SLC28A1: variants seen among roughly 807,000 people sequenced by gnomAD.
SLC28A1 encodes the protein solute carrier family 28 member 1.
A neutral mutation model predicts 74.8 loss-of-function variants in SLC28A1; 64 were observed. The ratio of observed to expected loss-of-function variants is 0.86; its 90% CI spans 0.70 to 1.05. The LOEUF is 1.05. SLC28A1 is among the 50% of genes least tolerant of loss of function. The pLI is 0.00. For synonymous variants in SLC28A1, 359 were observed against 335.0 expected, an observed-to-expected ratio of 1.07 and a Z score of -0.78; for missense variants, 828 against 822.8, an observed-to-expected ratio of 1.01 and a Z score of -0.08.
intron 6 of SLC28A1, among the ~76,000 whole-genome samples, chr15:84,898,928 A>G (rs950819794): frequency 6.6e-6 from 1 of 152,220 alleles, no homozygotes; most frequent in Non-Finnish European, 1.5e-5. Context: ...CAGAGCACAG[A>G]GACACAGTTG....
intron 12 of SLC28A1, among the ~76,000 whole-genome samples, chr15:84,924,425 A>G (rs1970237498): frequency 6.6e-6 from 1 of 152,148 alleles, no homozygotes; most frequent in African/African-American, 2.4e-5. Flanking sequence ...TGAGATGCCC[A>G]AACCCAGATC....
chr15:84,910,699 G>A (rs1869233896), intron 9 of SLC28A1, among the ~76,000 whole-genome samples: 1 of 152,156 alleles, frequency 6.6e-6, no homozygotes, highest in South Asian at 2.1e-4. Flanking sequence ...TTGCACTCCA[G>A]CCTGGGCAAC....
intron 16 of SLC28A1, 61 bp from the exon 17 acceptor site, chr15:84,944,505 C>G: frequency 8.6e-7 from 1 of 1,168,876 alleles, no homozygotes; most frequent in Non-Finnish European, 1.3e-6. Context: ...GCCCGAGCTG[C>G]GGAACGCGGG....
chr15:84,916,242 T>G (rs973272203), intron 9 of SLC28A1, among the ~76,000 whole-genome samples: 5 of 57,896 alleles, frequency 8.6e-5, no homozygotes, highest in Admixed American at 5.0e-4. Flanking sequence ...TGGGATTACT[T>G]TTTTTTTTTT....
At chr15:84,900,400 T>A (rs1412849337) in intron 6 of SLC28A1, among the ~76,000 whole-genome samples, 3 of 35,820 alleles carry the variant, frequency 8.4e-5, no homozygotes, top group Non-Finnish European at 1.0e-4. Context: ...AGACACTGTC[T>A]CAAAAAAAAA....
intron 15 of SLC28A1, among the ~76,000 whole-genome samples, chr15:84,937,514 T>G (rs1250491688): frequency 6.6e-6 from 1 of 152,242 alleles, no homozygotes; most frequent in Non-Finnish European, 1.5e-5. Flanking sequence ...TTTGCATTAC[T>G]TGGGTGACTG....
chr15:84,887,518 T>C (rs1964730626), intron 2 of SLC28A1: 1 of 984,858 alleles, frequency 1.0e-6, no homozygotes, highest in Non-Finnish European at 1.2e-6. Context: ...ACCCAGTCTC[T>C]AGAAAAAGGA....
intron 9 of SLC28A1, among the ~76,000 whole-genome samples, 198 bp from the exon 10 acceptor site, chr15:84,918,326 G>T (rs1969388359): frequency 6.6e-6 from 1 of 152,136 alleles, no homozygotes; most frequent in Non-Finnish European, 1.5e-5. Context: ...GAGAGGACAA[G>T]GCTGCCTCCA....
intron 5 of SLC28A1, among the ~76,000 whole-genome samples, chr15:84,892,493 C>A (rs1019265484): frequency 1.3e-5 from 2 of 152,180 alleles, no homozygotes; most frequent in Non-Finnish European, 2.9e-5. Context: ...CAATTGAATT[C>A]TCTCCAGTAG....
At position 84,890,523 on chromosome 15, in the gene SLC28A1, T is replaced by A; in HGVS notation, c.266T>A (p.Leu89Gln). 6.2e-7 allele frequency: 1 copy of A among 1,610,570 alleles called. No homozygotes were observed. The highest frequency in any genetic ancestry group is 1.1e-5 in the South Asian group (1 of 90,620). ...MQLFRWIGTG[L>Q]LCTGLSAFLL... ...CTGTTTCGATGGATCGGCACAGGCC[T>A]GCTCTGCACTGGTGAGCCTGGGGCC... Residue 89 changes from leucine to glutamine, a missense_variant, in exon 5 of 19, where the codon CTG becomes CAG. Physicochemically the swap from Leu to Gln is moderately radical, Grantham distance 113. Around this residue, in one of 3 missense-constraint regions of SLC28A1, gnomAD observed 767 missense variants for 753.5 expected, o/e 1.02. Coordinates refer to ENST00000394573, the MANE Select transcript of SLC28A1 (RefSeq NM_004213.5).
chr15:84,894,247 CTG>C (rs900955867), intron 5 of SLC28A1, among the ~76,000 whole-genome samples: 2 of 151,930 alleles, frequency 1.3e-5, no homozygotes, highest in Non-Finnish European at 2.9e-5. Context: ...CGGTGGGCAA[CTG>C]TAATCCCAGC....
rs1004926725 is a variant in SLC28A1, at chr15:84,886,657, C to T, written c.-132-15C>T. On this transcript the variant is annotated splice_polypyrimidine_tract_variant and intron_variant, in intron 1 of 18. Transcript: ENST00000394573. ...GTGGCAGGCCCAACCTACTCCGACC[C>T]TGGACTCTGCCCAGGAATTTCTGCT... is the stretch of plus-strand genomic sequence containing the variant. The T allele has an allele frequency of 1.0e-5, 10 of 985,410 alleles. No homozygotes were observed. The African/African-American group carries it at 1.6e-4, about 15-fold the overall frequency. The allele number at this position is 985,410 out of a possible 1,614,324, so 61.0% of individuals were successfully genotyped here. A position where few individuals can be genotyped will look rare whatever the true frequency, so the allele number is the denominator to read the frequency against.
At chr15:84,909,906 A>G (rs550514828) in intron 9 of SLC28A1, among the ~76,000 whole-genome samples, 6 of 152,316 alleles carry the variant, frequency 3.9e-5, no homozygotes, top group African/African-American at 1.2e-4. Flanking sequence ...CTGTTCCCAG[A>G]GTCTCCCCAC....
At chr15:84,890,650 A>G (rs954945786) in intron 5 of SLC28A1, 116 bp downstream of exon 5, 3 of 857,854 alleles carry the variant, frequency 3.5e-6, no homozygotes, top group South Asian at 1.4e-5. Context: ...TTGAGCACCA[A>G]CTCAGGTCCA....
the SLC28A1 span, among the ~76,000 whole-genome samples, chr15:84,957,110 A>C: frequency 1.3e-5 from 2 of 152,300 alleles, no homozygotes; most frequent in Admixed American, 6.5e-5. Context: ...ACATATAATG[A>C]TATACTATAA....
chr15:84,969,540 C>T, the SLC28A1 span, among the ~76,000 whole-genome samples: 7 of 137,040 alleles, frequency 5.1e-5, no homozygotes, highest in East Asian at 4.1e-4. Context: ...CCCCCCGACT[C>T]GGACTTCTGT....
rs777938287 is a variant in SLC28A1 at position 84,904,108 on chromosome 15, T to C, written c.473T>C (p.Leu158Pro). ...LLLWFKRGLA[L>P]AAFLGLVLWL... ...TCTCTTGCCTGCAGGGGTCTAGCTC[T>C]TGCTGCTTTCCTGGGCCTGGTCCTG... Residue 158 changes from leucine (L) to proline (P), a missense_variant, in exon 7 of 19, where the codon CTT (leucine) becomes CCT (proline). By Grantham distance (98) the Leu-to-Pro change is moderately conservative (BLOSUM62 -3). Transcript: ENST00000394573. 6.2e-7 allele frequency: 1 copy of C among 1,614,220 alleles called. No individual in the cohort carries two copies. The highest frequency in any genetic ancestry group is 1.7e-5 in the Admixed American group (1 of 60,028).
chr15:84,946,709 C>T (rs111516355), downstream of SLC28A1, among the ~76,000 whole-genome samples: 12 of 152,168 alleles, frequency 7.9e-5, no homozygotes, highest in East Asian at 3.9e-4. Context: ...ATGGGTGGCC[C>T]GCCCTCACCT....
At chr15:84,903,693 C>T (rs887539187) in intron 6 of SLC28A1, among the ~76,000 whole-genome samples, 1 of 152,188 alleles carries the variant, frequency 6.6e-6, no homozygotes, top group African/African-American at 2.4e-5. Context: ...TCCTGGGTGG[C>T]ACAGGTCCTT....
Sources: allele counts gnomAD v4.1 joint callset (sites outside exome capture counted in the v4.1 genomes callset), GRCh38; gene constraint gnomAD v4.1.1; regional missense constraint gnomAD v4.1.1; transcripts MANE v1.5; gene names NCBI Gene and HGNC (gene_info 2026-07-23, HGNC 2026-07-21).